Variants in NRIP1 observed in about 807,000 individuals in gnomAD.
NRIP1 encodes nuclear receptor interacting protein 1, also known as nuclear receptor-interacting protein 1.
In NRIP1, 28 loss-of-function variants were observed where a neutral mutation model predicts 75.0. The ratio of observed to expected loss-of-function variants is 0.37; its 90% CI spans 0.28 to 0.51. The LOEUF (loss-of-function observed/expected upper bound fraction) is 0.51. Among genes scored for constraint, NRIP1 ranks in the 20% least tolerant of loss-of-function variants. NRIP1 has a pLI of 0.92. For synonymous variants in NRIP1, 526 were observed against 487.6 expected (o/e 1.08, Z -1.04); for missense variants, 1,435 against 1,343.7 (o/e 1.07, Z -1.06).
At chr21:15,003,046 C>A (rs563777465) in intron 3 of NRIP1, among the ~76,000 whole-genome samples, 1 of 152,210 alleles carries the variant, frequency 6.6e-6, no homozygotes, top group East Asian at 1.9e-4. Flanking sequence ...ATCTAGAGTT[C>A]TGGTGTTCTT....
Position 14,964,670 on chromosome 21 carries a change from T to C in NRIP1, c.*46A>G. 1 of 1,345,202 alleles carries C rather than the reference T, an allele frequency of 7.4e-7. No homozygotes were observed. The highest frequency in any genetic ancestry group is 1.0e-6 in the Non-Finnish European group (1 of 984,928). The allele number at this position is 1,345,202 out of a possible 1,614,324, so 83.3% of individuals were successfully genotyped here. ...CTTATTTATACAGATCTCAAGTTCA[T>C]ACTCATTAGTTTTAAAAAGATCCAA... is the stretch of plus-strand genomic sequence containing the variant. On this transcript the variant is annotated 3_prime_UTR_variant, in exon 4 of 4. Transcript: ENST00000318948.
chr21:14,999,037 C>T (rs1437622981), intron 3 of NRIP1, among the ~76,000 whole-genome samples: 1 of 152,154 alleles, frequency 6.6e-6, no homozygotes, highest in Non-Finnish European at 1.5e-5. Context: ...CAGGCTCGTG[C>T]TCTGTTGTCC....
intron 3 of NRIP1, among the ~76,000 whole-genome samples, chr21:14,973,843 ATT>A (rs11391044): frequency 5.4e-5 from 7 of 129,850 alleles, no homozygotes; most frequent in Admixed American, 2.4e-4. Context: ...TGCAGAGCTG[ATT>A]TTTTTTTTTT....
intron 3 of NRIP1, among the ~76,000 whole-genome samples, chr21:15,006,760 A>G (rs1373061413): frequency 1.3e-5 from 2 of 152,242 alleles, no homozygotes; most frequent in Non-Finnish European, 2.9e-5. Flanking sequence ...GGACAGAGTA[A>G]TAACACCTAG....
At chr21:15,014,850 A>C (rs1191955643) in intron 2 of NRIP1, among the ~76,000 whole-genome samples, 1 of 151,928 alleles carries the variant, frequency 6.6e-6, no homozygotes, top group African/African-American at 2.4e-5. Context: ...AAGAATAGCT[A>C]TAGTTTTCTT....
chr21:14,991,650 T>C (rs1021190761), intron 3 of NRIP1, among the ~76,000 whole-genome samples: 1 of 152,138 alleles, frequency 6.6e-6, no homozygotes, highest in Non-Finnish European at 1.5e-5. Context: ...TCCAGAATTT[T>C]TGCCATTGAG....
At chr21:14,979,695 TA>T (rs1417369345) in intron 3 of NRIP1, among the ~76,000 whole-genome samples, 1 of 152,014 alleles carries the variant, frequency 6.6e-6, no homozygotes, top group Non-Finnish European at 1.5e-5. Context: ...TTGTTTTTTT[TA>T]ATAGCGACGG....
intron 1 of NRIP1, chr21:15,050,685 T>A (rs1462581303): frequency 2.2e-6 from 1 of 455,602 alleles, no homozygotes; most frequent in Non-Finnish European, 4.4e-6. Flanking sequence ...TGTGTATTGT[T>A]TATGTTTCTT....
chr21:14,966,290 C>T lies in NRIP1; in HGVS notation c.1903G>A (p.Ala635Thr). Residue 635 changes from alanine (A) to threonine (T), a missense_variant, in exon 4 of 4, where the codon GCA (alanine) becomes ACA (threonine). Physicochemically the swap from Ala to Thr is moderately conservative, Grantham distance 58. Coordinates refer to ENST00000318948, the MANE Select transcript of NRIP1 (RefSeq NM_003489.4). The stretch of plus-strand genomic sequence containing the variant: ...ATGGATGACTGCATTCCACATTGTG[C>T]TAAATTTTGTAACAGCTTACTGGCA... Reference protein sequence around the residue: ...FSASKLLQNLAQCGMQSSMSV... With the variant: ...FSASKLLQNLTQCGMQSSMSV... The T allele has an allele frequency of 6.2e-7, 1 of 1,614,100 alleles. No homozygotes were observed. Among genetic ancestry groups the T allele is most frequent in the South Asian group, 1.1e-5 (1 of 91,082 alleles).
chr21:15,058,093 T>C (rs933314301), intron 1 of NRIP1, among the ~76,000 whole-genome samples: 1 of 152,204 alleles, frequency 6.6e-6, no homozygotes, highest in Non-Finnish European at 1.5e-5. Flanking sequence ...TTTTAGAATT[T>C]AGAAATCAAA....
chr21:14,972,122 C>T (rs2086917855), intron 3 of NRIP1, among the ~76,000 whole-genome samples: 2 of 152,104 alleles, frequency 1.3e-5, no homozygotes, highest in Admixed American at 1.3e-4. Flanking sequence ...AAGTGTCTAT[C>T]CTAGGAAAGC....
At chr21:14,971,110 T>C (rs577615000) in intron 3 of NRIP1, among the ~76,000 whole-genome samples, 3 of 152,348 alleles carry the variant, frequency 2.0e-5, no homozygotes, top group African/African-American at 7.2e-5. Context: ...TTCTTACATA[T>C]GAAAACAATT....
chr21:15,053,093 CTT>C (rs981966591), intron 1 of NRIP1, among the ~76,000 whole-genome samples: 11 of 152,146 alleles, frequency 7.2e-5, no homozygotes, highest in African/African-American at 2.7e-4. Context: ...CAACCCTAAA[CTT>C]TACAGTTTTA....
intron 2 of NRIP1, among the ~76,000 whole-genome samples, chr21:15,039,760 C>T (rs1159691531): frequency 2.6e-5 from 4 of 151,910 alleles, no homozygotes; most frequent in African/African-American, 7.3e-5. Flanking sequence ...AAAATTCTAC[C>T]TAGTATAATA....
chr21:15,062,722 A>C (rs904448774), intron 1 of NRIP1, among the ~76,000 whole-genome samples: 1 of 152,200 alleles, frequency 6.6e-6, no homozygotes, highest in Non-Finnish European at 1.5e-5. Context: ...AATTTAAGCA[A>C]ACTTCATGAG....
chr21:14,981,041 A>G (rs2087219043), intron 3 of NRIP1, among the ~76,000 whole-genome samples: 1 of 152,202 alleles, frequency 6.6e-6, no homozygotes, highest in Non-Finnish European at 1.5e-5. Context: ...GACACAATTC[A>G]TGAGCACCCA....
intron 1 of NRIP1, among the ~76,000 whole-genome samples, chr21:15,048,252 CT>C (rs1432200511): frequency 7.9e-5 from 12 of 152,174 alleles, no homozygotes; most frequent in African/African-American, 2.9e-4. Flanking sequence ...TGAAAACATG[CT>C]GTTGAAAAAA....
At chr21:15,053,124 CAG>C (rs2089237597) in intron 1 of NRIP1, among the ~76,000 whole-genome samples, 2 of 152,178 alleles carry the variant, frequency 1.3e-5, no homozygotes, top group South Asian at 4.1e-4. Flanking sequence ...TGCCATTAAA[CAG>C]AATATACAAT....
intron 3 of NRIP1, among the ~76,000 whole-genome samples, chr21:15,011,345 G>A (rs1350570537): frequency 6.6e-6 from 1 of 151,994 alleles, no homozygotes; most frequent in Non-Finnish European, 1.5e-5. Flanking sequence ...GCCCGCCATG[G>A]CGCCCGGCTA....
Sources: gnomAD v4.1 joint callset for allele counts (sites outside exome capture counted in the v4.1 genomes callset) on GRCh38, gnomAD v4.1.1 for gene constraint, MANE v1.5 for transcripts, NCBI Gene and HGNC (gene_info 2026-07-23, HGNC 2026-07-21) for gene names.